PHLPP1: variants seen among roughly 807,000 people sequenced by gnomAD.
The protein encoded by PHLPP1 is PH domain leucine-rich repeat-containing protein phosphatase 1.
Under a neutral mutation model 117.2 loss-of-function variants are expected in PHLPP1, and 42 were observed. The ratio of observed to expected loss-of-function variants is 0.36; its 90% CI spans 0.28 to 0.46. The LOEUF is 0.46. Ranked by LOEUF, PHLPP1 falls within the 20% of genes least tolerant of loss-of-function variation. The pLI is 1.00. For missense variants in PHLPP1, 2,084 were observed against 2,241.9 expected (o/e 0.93, Z 1.42); for synonymous variants, 1,042 against 970.7 (o/e 1.07, Z -1.37).
intron 16 of PHLPP1, among the ~76,000 whole-genome samples, chr18:62,977,154 G>A (rs191411483): frequency 3.2e-4 from 48 of 152,234 alleles, no homozygotes; most frequent in African/African-American, 1.1e-3. Flanking sequence ...ATGCTTACCT[G>A]CTTATAAGTG....
At chr18:62,737,131 C>T (rs1048248747) in intron 1 of PHLPP1, among the ~76,000 whole-genome samples, 3 of 152,238 alleles carry the variant, frequency 2.0e-5, no homozygotes, top group African/African-American at 7.2e-5. Flanking sequence ...ATACCAGCTC[C>T]CTGGAAGTAG....
intron 3 of PHLPP1, among the ~76,000 whole-genome samples, chr18:62,851,838 C>T (rs1160577486): frequency 6.6e-6 from 1 of 151,948 alleles, no homozygotes; most frequent in Non-Finnish European, 1.5e-5. Flanking sequence ...GTCATTACCT[C>T]GAATCATTTT....
At chr18:62,788,294 G>A (rs1218507762) in intron 1 of PHLPP1, among the ~76,000 whole-genome samples, 2 of 152,176 alleles carry the variant, frequency 1.3e-5, no homozygotes, top group Non-Finnish European at 2.9e-5. Flanking sequence ...AATGAGCCAA[G>A]GTGGTAAAGC....
At position 62,871,644 on chromosome 18, in the gene PHLPP1, A is replaced by ATTT. The variant is rs71160879; in HGVS notation, c.2066+11064_2066+11066dup. Reference sequence around the variant, plus strand: ...CGCCTGGCCAAATTTAGCTCTGAAAATTTTTTTTTTTTTTTTTTTTTTTAC... The same window carrying ATTT: ...CGCCTGGCCAAATTTAGCTCTGAAAATTTTTTTTTTTTTTTTTTTTTTTTTTAC... On this transcript the variant is annotated intron_variant, in intron 4 of 16. Transcript: ENST00000262719. 3.5e-4 allele frequency among the ~76,000 whole-genome samples: 38 copies of ATTT among 108,614 alleles called. 1 individual carries two copies. Among genetic ancestry groups the ATTT allele is most frequent in the Non-Finnish European group, 5.8e-4 (31 of 53,340 alleles). 71.3% of individuals were successfully genotyped at this position (108,614 alleles called of 152,430 possible).
chr18:62,881,808 C>T (rs1916180370), intron 4 of PHLPP1, among the ~76,000 whole-genome samples: 1 of 152,138 alleles, frequency 6.6e-6, no homozygotes, highest in African/African-American at 2.4e-5. Flanking sequence ...AGCACTGTAC[C>T]AAGAAACTGA....
chr18:62,868,418 T>C (rs571074798), intron 4 of PHLPP1, among the ~76,000 whole-genome samples: 2 of 152,108 alleles, frequency 1.3e-5, no homozygotes, highest in South Asian at 2.1e-4. Context: ...TTTGAGGTCA[T>C]GTTGGCCAGC....
chr18:62,953,560 A>G (rs1910525490), intron 12 of PHLPP1, among the ~76,000 whole-genome samples: 1 of 152,136 alleles, frequency 6.6e-6, no homozygotes, highest in Non-Finnish European at 1.5e-5. Context: ...CTAAAGGTGT[A>G]TTGTTTATTT....
At chr18:62,813,260 A>C (rs1914175249) in intron 1 of PHLPP1, among the ~76,000 whole-genome samples, 1 of 152,242 alleles carries the variant, frequency 6.6e-6, no homozygotes, top group Non-Finnish European at 1.5e-5. Context: ...CATTTGAAGA[A>C]GATACCTTCT....
chr18:62,839,494 A>G (rs1188303274), intron 3 of PHLPP1: 1 of 152,156 alleles, frequency 6.6e-6, no homozygotes, highest in African/African-American at 2.4e-5. Flanking sequence ...AGACAGGCAG[A>G]TCACTTGAGT....
chr18:62,858,814 G>T (rs1033582716), intron 3 of PHLPP1, among the ~76,000 whole-genome samples: 18 of 152,038 alleles, frequency 1.2e-4, no homozygotes, highest in Non-Finnish European at 1.0e-4. Context: ...AAATGTGAAT[G>T]ATTTGATTTG....
intron 1 of PHLPP1, among the ~76,000 whole-genome samples, chr18:62,804,628 A>G (rs1913884017): frequency 6.6e-6 from 1 of 152,112 alleles, no homozygotes; most frequent in Admixed American, 6.5e-5. Context: ...TATTCTGGAT[A>G]TGAACGCTTT....
At chr18:62,866,251 T>G (rs964190482) in intron 4 of PHLPP1, among the ~76,000 whole-genome samples, 18 of 149,140 alleles carry the variant, frequency 1.2e-4, no homozygotes, top group African/African-American at 4.1e-4. Flanking sequence ...TGTTTTTTGT[T>G]TTTTTTTTTT....
rs1910696424 is a variant in PHLPP1 at position 62,715,705 on chromosome 18, A to G, written c.22A>G (p.Thr8Ala). MEPAAAA[T>A]VQRLPELGRE... ...TGCAATGGAGCCCGCCGCCGCGGCC[A>G]CGGTACAGCGACTCCCCGAGCTCGG... The change falls in exon 1 of 17, where the codon ACG becomes GCG. Residue 8 changes from threonine to alanine, a missense_variant. Around this residue, in one of 2 missense-constraint regions of PHLPP1, gnomAD observed 719 missense variants for 636.0 expected, o/e 1.13. Coordinates refer to ENST00000262719, the MANE Select transcript of PHLPP1 (RefSeq NM_194449.4). 1 of 1,267,688 alleles carries G rather than the reference A, an allele frequency of 7.9e-7. No homozygotes were observed. The highest frequency in any genetic ancestry group is 1.0e-6 in the Non-Finnish European group (1 of 1,003,072). The allele number at this position is 1,267,688 out of a possible 1,614,324, so 78.5% of individuals were successfully genotyped here.
chr18:62,718,691 T>C (rs571132906), intron 1 of PHLPP1, among the ~76,000 whole-genome samples: 111 of 152,332 alleles, frequency 7.3e-4, no homozygotes, highest in African/African-American at 2.6e-3. Context: ...AACTGTATTC[T>C]TTTCTCCTTT....
chr18:62,949,601 G>T (rs887145100), intron 12 of PHLPP1, among the ~76,000 whole-genome samples: 1 of 152,174 alleles, frequency 6.6e-6, no homozygotes, highest in South Asian at 2.1e-4. Context: ...GATCATTAGT[G>T]TTATTATCCT....
intron 1 of PHLPP1, 34 bp downstream of exon 1, chr18:62,717,293 A>G (rs371159279): frequency 1.3e-6 from 2 of 1,536,048 alleles, no homozygotes; most frequent in Non-Finnish European, 8.8e-7. Context: ...GGGTGGTTGC[A>G]AAAGCTGCCG....
At chr18:62,974,983 T>C (rs541229914) in intron 15 of PHLPP1, among the ~76,000 whole-genome samples, 2 of 152,314 alleles carry the variant, frequency 1.3e-5, no homozygotes, top group East Asian at 3.9e-4. Flanking sequence ...TACATGGTTT[T>C]TTCAATGTTC....
Position 62,979,337 on chromosome 18 carries a change from A to G in PHLPP1, c.5060A>G (p.Gln1687Arg). 6.4e-7 allele frequency: 1 copy of G among 1,550,962 alleles called. No individual in the cohort carries two copies. Among genetic ancestry groups the G allele is most frequent in the Non-Finnish European group, 8.7e-7 (1 of 1,146,014 alleles). Residue 1687 changes from glutamine (Q) to arginine (R), a missense_variant, in exon 17 of 17, where the codon CAG becomes CGG. Coordinates refer to ENST00000262719, the MANE Select transcript of PHLPP1 (RefSeq NM_194449.4). ...AAGCATCACCAGGAGCAACAGCAGCAGCAGCAGCCGCCACCACCCCCTCAG... is the reference window on the plus strand; with the variant it reads ...AAGCATCACCAGGAGCAACAGCAGCGGCAGCAGCCGCCACCACCCCCTCAG... ...IMKHHQEQQQ[Q>R]QQPPPPPQLQ...
chr18:62,867,683 C>T (rs2144369095), intron 4 of PHLPP1, among the ~76,000 whole-genome samples: 1 of 152,294 alleles, frequency 6.6e-6, no homozygotes, highest in Middle Eastern at 3.4e-3. Flanking sequence ...ACAGCAAAGA[C>T]AGTGTGTGGA....
Sources: allele counts gnomAD v4.1 joint callset (sites outside exome capture counted in the v4.1 genomes callset), GRCh38; gene constraint gnomAD v4.1.1; regional missense constraint gnomAD v4.1.1; transcripts MANE v1.5; gene names NCBI Gene and HGNC (gene_info 2026-07-23, HGNC 2026-07-21).